The following ACCSL variants were observed in gnomAD, a reference collection of about 807,000 sequenced individuals.
ACCSL encodes the protein 1-aminocyclopropane-1-carboxylate synthase homolog (inactive) like.
ACCSL carries 55 observed loss-of-function variants against 61.7 expected under a neutral mutation model. That is an observed-to-expected ratio of 0.89 (90% CI 0.72 to 1.12). The LOEUF (loss-of-function observed/expected upper bound fraction) is 1.12. ACCSL is among the 50% of genes most tolerant of loss of function. The pLI is 0.00. For missense variants in ACCSL, 632 were observed against 698.0 expected (o/e 0.91, Z 1.07); for synonymous variants, 258 against 264.3 (o/e 0.98, Z 0.23).
the ACCSL span, among the ~76,000 whole-genome samples, chr11:44,015,765 G>A: frequency 6.6e-6 from 1 of 152,210 alleles, no homozygotes; most frequent in East Asian, 1.9e-4. Flanking sequence ...TCATCAGATA[G>A]ATCTGCATTC....
chr11:43,993,432 T>G, the ACCSL span, among the ~76,000 whole-genome samples: 3 of 152,140 alleles, frequency 2.0e-5, no homozygotes, highest in East Asian at 5.8e-4. Flanking sequence ...GGCTGAGCTG[T>G]GTCCTGAGTA....
the ACCSL span, among the ~76,000 whole-genome samples, chr11:44,042,781 A>G: frequency 2.0e-5 from 3 of 152,204 alleles, 1 homozygote; most frequent in South Asian, 6.2e-4. Context: ...AAAGGCTAGC[A>G]TTTAAAATAA....
At chr11:44,003,111 G>A in the ACCSL span, among the ~76,000 whole-genome samples, 118 of 152,278 alleles carry the variant, frequency 7.7e-4, no homozygotes, top group African/African-American at 2.6e-3. Flanking sequence ...ATTATATTTT[G>A]CAGAAAAGTA....
the ACCSL span, chr11:43,942,687 C>T: frequency 1.7e-5 from 3 of 173,062 alleles, no homozygotes; most frequent in South Asian, 3.3e-4. Flanking sequence ...CGGAACAGCG[C>T]CCCCCGAGCC....
At chr11:44,024,949 C>T in the ACCSL span, among the ~76,000 whole-genome samples, 2 of 152,024 alleles carry the variant, frequency 1.3e-5, no homozygotes, top group African/African-American at 4.8e-5. Context: ...TTCTTTGTTT[C>T]CAATGATGAT....
chr11:44,051,826 T>C (rs761858035), intron 5 of ACCSL, 107 bp downstream of exon 5: 13 of 1,374,042 alleles, frequency 9.5e-6, no homozygotes, highest in Non-Finnish European at 1.2e-5. Context: ...CTCAAGGCCT[T>C]TTCCCCAAAG....
Position 44,053,051 on chromosome 11 carries a change from CT to C in ACCSL, c.933del (p.Glu312LysfsTer14). 6.2e-7 allele frequency: 1 copy of C among 1,614,014 alleles called. No homozygotes were observed. Among genetic ancestry groups the C allele is most frequent in the Non-Finnish European group, 8.5e-7 (1 of 1,179,914 alleles). On this transcript the variant is annotated frameshift_variant, in exon 7 of 14. Coordinates refer to ENST00000378832, the MANE Select transcript of ACCSL (RefSeq NM_001031854.2). LOFTEE classifies it high-confidence loss of function. Reference sequence around the variant, plus strand: ...TGTGGACAAGTTAGAGGAAGCCCTGCTTGAAGCTAGGCTTGAGGTAAGGTGG... The same window carrying C: ...TGTGGACAAGTTAGAGGAAGCCCTGCTGAAGCTAGGCTTGAGGTAAGGTGG... Reference protein sequence around the residue: ...LTVDKLEEALLEARLEGKKVR... With the variant: ...LTVDKLEEALXEARLEGKKVR...
At chr11:43,959,598 C>G in the ACCSL span, among the ~76,000 whole-genome samples, 4 of 152,174 alleles carry the variant, frequency 2.6e-5, no homozygotes, top group East Asian at 5.8e-4. Context: ...TGGGACTGGG[C>G]GGTGGCAGAC....
At chr11:43,969,338 G>C in the ACCSL span, among the ~76,000 whole-genome samples, 1 of 152,132 alleles carries the variant, frequency 6.6e-6, no homozygotes, top group African/African-American at 2.4e-5. Flanking sequence ...TCCAGCCTAG[G>C]TGGCAGAGTG....
the ACCSL span, among the ~76,000 whole-genome samples, chr11:43,934,854 G>A: frequency 2.0e-5 from 3 of 152,202 alleles, no homozygotes; most frequent in Non-Finnish European, 4.4e-5. Context: ...ACCATAGGCT[G>A]CCTTGGAAAC....
chr11:44,006,428 G>A, the ACCSL span, among the ~76,000 whole-genome samples: 1 of 151,934 alleles, frequency 6.6e-6, no homozygotes, highest in Admixed American at 6.5e-5. Context: ...CTGACTGCGT[G>A]ACTTTGGGTA....
chr11:43,925,404 A>G, the ACCSL span: 3 of 456,062 alleles, frequency 6.6e-6, no homozygotes, highest in Admixed American at 7.0e-5. Context: ...AAGGAGTGGT[A>G]TTGATCGTCT....
Position 44,048,468 on chromosome 11 carries a change from C to A in ACCSL, c.432C>A (p.Val144=). 1 of 1,611,698 alleles carries A rather than the reference C, an allele frequency of 6.2e-7. No individual in the cohort carries two copies. Among genetic ancestry groups the A allele is most frequent in the South Asian group, 1.1e-5 (1 of 91,008 alleles). ...CCATCCGTGGGATTGACATCTCTGT[C>A]TTTTATCAGTCGAGCTTCCAGGACT... is the stretch of plus-strand genomic sequence containing the variant. ...DLSIRGIDIS[V]FYQSSFQDYN... is the part of the protein sequence containing the mutation. Residue 144 remains valine (V), a synonymous_variant, in exon 1 of 14, where the codon GTC becomes GTA. Transcript: ENST00000378832.
the ACCSL span, among the ~76,000 whole-genome samples, chr11:43,934,501 C>T: frequency 3.9e-5 from 6 of 152,148 alleles, no homozygotes; most frequent in African/African-American, 9.7e-5. Flanking sequence ...CACACACACA[C>T]GTACAAGCGG....
At chr11:44,013,003 G>A in the ACCSL span, among the ~76,000 whole-genome samples, 2 of 152,208 alleles carry the variant, frequency 1.3e-5, no homozygotes, top group South Asian at 2.1e-4. Context: ...GGCTAGCCCA[G>A]TGCCGGGAGC....
At chr11:43,942,804 G>A in the ACCSL span, 1 of 834,230 alleles carries the variant, frequency 1.2e-6, no homozygotes, top group Non-Finnish European at 1.5e-6. Context: ...CCCCCGCCCG[G>A]CGAGCCCCCG....
At chr11:43,949,730 G>A in the ACCSL span, among the ~76,000 whole-genome samples, 1 of 152,102 alleles carries the variant, frequency 6.6e-6, no homozygotes, top group Non-Finnish European at 1.5e-5. Flanking sequence ...CAGGAGAGTT[G>A]CTTGAACCCC....
At chr11:44,040,286 C>T in the ACCSL span, among the ~76,000 whole-genome samples, 14 of 152,182 alleles carry the variant, frequency 9.2e-5, no homozygotes, top group Non-Finnish European at 1.5e-4. Flanking sequence ...TGATAAAGTA[C>T]GTAGGCCCAG....
the ACCSL span, among the ~76,000 whole-genome samples, chr11:44,001,935 C>T: frequency 7.0e-6 from 1 of 141,970 alleles, no homozygotes; most frequent in African/African-American, 2.6e-5. Context: ...ACTGTCCTCA[C>T]CCCGCTGCAC....
Sources: gnomAD v4.1 joint callset for allele counts (sites outside exome capture counted in the v4.1 genomes callset) on GRCh38, gnomAD v4.1.1 for gene constraint, MANE v1.5 for transcripts, NCBI Gene and HGNC (gene_info 2026-07-23, HGNC 2026-07-21) for gene names.